SMPD4: variants seen among roughly 807,000 people sequenced by gnomAD.
SMPD4 encodes neutral sphingomyelinase 3.
In SMPD4, 58 loss-of-function variants were observed where a neutral mutation model predicts 97.8. That is an observed-to-expected ratio of 0.59 (90% CI 0.48 to 0.74). The LOEUF is 0.74. Ranked by LOEUF, SMPD4 falls within the 30% of genes least tolerant of loss-of-function variation. The probability of loss-of-function intolerance (pLI) is 0.00; values close to 1 mark genes in which losing one functional copy is unlikely to be tolerated. For missense variants in SMPD4, 853 were observed against 1,080.5 expected, an observed-to-expected ratio of 0.79 and a Z score of 2.95; for synonymous variants, 388 against 450.0, an observed-to-expected ratio of 0.86 and a Z score of 1.74.
At chr2:130,156,928 A>G (rs1686863009) in intron 12 of SMPD4, 3 of 1,053,380 alleles carry the variant, frequency 2.8e-6, no homozygotes, top group Admixed American at 2.3e-5. Context: ...CGTCCCATAC[A>G]AACAGCCCAC....
upstream of SMPD4, chr2:130,181,745 G>T (rs1689667553): frequency 6.5e-7 from 1 of 1,548,526 alleles, no homozygotes; most frequent in Non-Finnish European, 8.7e-7. Context: ...GCGGGGGAGG[G>T]AGTGGTCCTT....
At chr2:130,178,449 G>A (rs537295403) in intron 1 of SMPD4, among the ~76,000 whole-genome samples, 7 of 152,244 alleles carry the variant, frequency 4.6e-5, no homozygotes, top group South Asian at 2.1e-4. Context: ...TGCAATGAAC[G>A]GAGGGGAAGA....
chr2:130,175,321 G>A (rs545319561), intron 2 of SMPD4, among the ~76,000 whole-genome samples: 4 of 152,270 alleles, frequency 2.6e-5, no homozygotes, highest in African/African-American at 9.6e-5. Flanking sequence ...CCCACAGCCA[G>A]AAGAGGATCT....
At chr2:130,159,031 ACT>A (rs1241004943) in intron 11 of SMPD4, among the ~76,000 whole-genome samples, 1 of 151,682 alleles carries the variant, frequency 6.6e-6, no homozygotes, top group African/African-American at 2.4e-5. Context: ...ACAGGGTCTC[ACT>A]CTGTCACCCG....
chr2:130,158,467 C>A (rs1413664996), intron 11 of SMPD4, among the ~76,000 whole-genome samples: 3 of 152,140 alleles, frequency 2.0e-5, no homozygotes, highest in Non-Finnish European at 4.4e-5. Context: ...CAAGTGTGTG[C>A]CACCATGCCC....
Position 130,172,915 on chromosome 2 carries a change from G to A in SMPD4, c.346-20C>T. 1 of 1,600,710 alleles carries A rather than the reference G, an allele frequency of 6.2e-7. No individual in the cohort carries two copies. The highest frequency in any genetic ancestry group is 8.5e-7 in the Non-Finnish European group (1 of 1,173,772). On this transcript the variant is annotated intron_variant, in intron 5 of 19. Coordinates refer to ENST00000680298, the MANE Select transcript of SMPD4 (RefSeq NM_017951.5). ...AGGACCCTGCAGAGAGAGGCAGTGA[G>A]GCTTGTGGGCAGGTGCTGGTGCGTA...
intron 10 of SMPD4, among the ~76,000 whole-genome samples, chr2:130,161,572 AC>A (rs1687425834): frequency 6.6e-6 from 1 of 152,136 alleles, no homozygotes; most frequent in South Asian, 2.1e-4. Context: ...CCTCCAGGTC[AC>A]CTGGGTGGCC....
chr2:130,166,427 C>T (rs1319890530), intron 9 of SMPD4, among the ~76,000 whole-genome samples: 3 of 151,970 alleles, frequency 2.0e-5, no homozygotes, highest in South Asian at 2.1e-4. Flanking sequence ...GCACAGCCTA[C>T]GGTCCACACA....
rs773151083 is a variant in SMPD4 at position 130,181,536 on chromosome 2, G to A, written c.-52C>T. 6.2e-7 allele frequency: 1 copy of A among 1,604,754 alleles called. No homozygotes were observed. The highest frequency in any genetic ancestry group is 1.7e-5 in the Admixed American group (1 of 59,030). ...CGCATCCCGCGCCACTCACCTGTGG[G>A]ATCCATAGCGTCGCTCGCCTCAGAG... On this transcript the variant is annotated 5_prime_UTR_variant, in exon 1 of 20. Coordinates refer to ENST00000680298, the MANE Select transcript of SMPD4 (RefSeq NM_017951.5).
rs1476346575 is a variant in SMPD4 at position 130,161,352 on chromosome 2, G to C, written c.865-80C>G. On this transcript the variant is annotated intron_variant, in intron 10 of 19. Transcript: ENST00000680298. ...AATGGGGTGGGGAAGGGGAGAGATA[G>C]GACCAGACACGGGAGGGGGAAGCGG... The C allele has an allele frequency of 3.1e-5, 36 of 1,144,656 alleles. 1 individual carries two copies. In the East Asian group the frequency reaches 8.0e-4, roughly 25 times the overall value. The allele number at this position is 1,144,656 out of a possible 1,614,324, so 70.9% of individuals were successfully genotyped here.
Position 130,152,237 on chromosome 2 carries a change from A to C in SMPD4, c.*318T>G. 3.4e-6 allele frequency: 1 copy of C among 294,454 alleles called. No individual in the cohort carries two copies. The highest frequency in any genetic ancestry group is 4.7e-5 in the Admixed American group (1 of 21,230). The allele number at this position is 294,454 out of a possible 1,614,324, so 18.2% of individuals were successfully genotyped here. ...CCAAGCTTGGTGCAGCAGAGTAGCC[A>C]AATGGGCAGTGGAAAAAAGGCCCCG... is the stretch of plus-strand genomic sequence containing the variant. On this transcript the variant is annotated 3_prime_UTR_variant, in exon 20 of 20. Transcript: ENST00000680298.
chr2:130,154,614 C>T (rs1206020579), intron 15 of SMPD4, 132 bp from the exon 16 acceptor site: 1 of 1,247,844 alleles, frequency 8.0e-7, no homozygotes, highest in Non-Finnish European at 1.1e-6. Context: ...GAGGCCCTGC[C>T]TGGCAGCATC....
At chr2:130,164,479 T>TCA in intron 9 of SMPD4, 34 bp from the exon 10 acceptor site, 1 of 1,579,178 alleles carries the variant, frequency 6.3e-7, no homozygotes, top group Non-Finnish European at 8.7e-7. Context: ...AAACCATTCT[T>TCA]GACAATGGTG....
chr2:130,164,505 G>A lies in SMPD4; in HGVS notation c.793-60C>T, dbSNP rs941826195. 30 of 1,393,434 alleles carry A rather than the reference G, an allele frequency of 2.2e-5. No homozygotes were observed. In the African/African-American group the frequency reaches 4.0e-4, roughly 19 times the overall value. The allele number at this position is 1,393,434 out of a possible 1,614,324, so 86.3% of individuals were successfully genotyped here. A position where few individuals can be genotyped will look rare whatever the true frequency, so the allele number is the denominator to read the frequency against. On this transcript the variant is annotated intron_variant, in intron 9 of 19. Coordinates refer to ENST00000680298, the MANE Select transcript of SMPD4 (RefSeq NM_017951.5). ...GACAATGGTGTCAGACCATCCAGTG[G>A]GGAAAGGACAGTGTCTCCAACAAGC...
At chr2:130,175,051 T>C in intron 2 of SMPD4, 51 bp from the exon 3 acceptor site, 1 of 1,299,556 alleles carries the variant, frequency 7.7e-7, no homozygotes, top group Non-Finnish European at 1.1e-6. Context: ...ACTCTGCAGC[T>C]TTTAGTGGCA....
intron 9 of SMPD4, among the ~76,000 whole-genome samples, chr2:130,165,982 G>A (rs900284518): frequency 1.3e-5 from 2 of 151,918 alleles, no homozygotes; most frequent in Non-Finnish European, 2.9e-5. Context: ...AAGACAATAA[G>A]TTTCATGTTA....
intron 17 of SMPD4, 26 bp downstream of exon 17, chr2:130,153,676 G>A (rs750038046): frequency 3.5e-5 from 56 of 1,606,768 alleles, no homozygotes; most frequent in Middle Eastern, 3.3e-4. Context: ...CCCTGATGGC[G>A]GTGGGGCAGG....
At chr2:130,167,753 G>A (rs1688069495) in intron 8 of SMPD4, among the ~76,000 whole-genome samples, 163 bp from the exon 9 acceptor site, 1 of 152,114 alleles carries the variant, frequency 6.6e-6, no homozygotes, top group Non-Finnish European at 1.5e-5. Flanking sequence ...GATCCACACT[G>A]ATATACCTGA....
chr2:130,157,748 G>A (rs1686963847), intron 11 of SMPD4: 1 of 324,984 alleles, frequency 3.1e-6, no homozygotes, highest in African/African-American at 2.1e-5. Context: ...TGTGCCCTTG[G>A]GCGCTGGTGC....
Sources: allele counts gnomAD v4.1 joint callset (sites outside exome capture counted in the v4.1 genomes callset), GRCh38; gene constraint gnomAD v4.1.1; transcripts MANE v1.5; gene names NCBI Gene and HGNC (gene_info 2026-07-23, HGNC 2026-07-21).